Variants in NIBAN2 observed in about 807,000 individuals in gnomAD.
NIBAN2 encodes protein Niban 2.
Under a neutral mutation model 81.8 loss-of-function variants are expected in NIBAN2, and 36 were observed. The ratio of observed to expected loss-of-function variants is 0.44; its 90% CI spans 0.34 to 0.58. The LOEUF is 0.58. NIBAN2 is among the 20% of genes least tolerant of loss of function. The pLI is 0.02. For synonymous variants in NIBAN2, 445 were observed against 441.6 expected (o/e 1.01, Z -0.10); for missense variants, 897 against 1,014.1 (o/e 0.88, Z 1.57).
chr9:127,560,272 C>T (rs1415738867), intron 1 of NIBAN2, among the ~76,000 whole-genome samples: 1 of 152,200 alleles, frequency 6.6e-6, no homozygotes, highest in Non-Finnish European at 1.5e-5. Flanking sequence ...CAGCTCGCCC[C>T]AGCCCTGCAC....
In NIBAN2 at chr9:127,559,887, C is replaced by T. The variant is rs933125136; in HGVS notation, c.55+8933G>A. Among the ~76,000 whole-genome samples, 21 of 152,166 alleles carry T rather than the reference C, an allele frequency of 1.4e-4. No individual in the cohort carries two copies. Among genetic ancestry groups the T allele is most frequent in the African/African-American group, 4.6e-4 (19 of 41,444 alleles). On this transcript the variant is annotated intron_variant, in intron 1 of 13. Transcript: ENST00000373312. The surrounding 1 kb of genome is among the most constrained non-coding windows in gnomAD (Gnocchi z 4.0). ...CGGTAACAGTGGATGAACCAGGAGCCGATGCTCCCTAAGCACAAAGAGCTA... is the reference window on the plus strand; with the variant it reads ...CGGTAACAGTGGATGAACCAGGAGCTGATGCTCCCTAAGCACAAAGAGCTA...
intron 1 of NIBAN2, among the ~76,000 whole-genome samples, chr9:127,551,892 TCTC>T (rs1168879143): frequency 1.3e-5 from 2 of 152,144 alleles, no homozygotes; most frequent in African/African-American, 4.8e-5. Context: ...CCTGAAACTC[TCTC>T]CTCCTGTATC....
intron 1 of NIBAN2, among the ~76,000 whole-genome samples, chr9:127,552,359 G>A (rs1215861794): frequency 6.6e-6 from 1 of 152,174 alleles, no homozygotes; most frequent in Non-Finnish European, 1.5e-5. Context: ...GATCACTTAA[G>A]GCCAGGAGTT....
Position 127,509,105 on chromosome 9 carries a change from C to G in NIBAN2, c.1188G>C (p.Ala396=), listed in dbSNP as rs546349539. 1 of 1,612,384 alleles carries G rather than the reference C, an allele frequency of 6.2e-7. No individual in the cohort carries two copies. The highest frequency in any genetic ancestry group is 1.1e-5 in the South Asian group (1 of 91,040). ...GEYMEKLSRL[A]YHPLKMQSCY... is the part of the protein sequence containing the mutation. ...AGCTCTGCATCTTCAGGGGGTGGTACGCCAGCCGGGACAGCTTCTCCATGT... is the reference window on the plus strand; with the variant it reads ...AGCTCTGCATCTTCAGGGGGTGGTAGGCCAGCCGGGACAGCTTCTCCATGT... The change falls in exon 10 of 14, where the codon GCG becomes GCC. Residue 396 remains alanine (A), a synonymous_variant. Transcript: ENST00000373312.
chr9:127,515,895 T>A (rs1182678856), intron 8 of NIBAN2, among the ~76,000 whole-genome samples: 2 of 151,960 alleles, frequency 1.3e-5, no homozygotes, highest in African/African-American at 4.8e-5. Context: ...CCTAGCACTT[T>A]GGGAAGCCAA....
chr9:127,507,027 C>A lies in NIBAN2; in HGVS notation c.2059G>T (p.Ala687Ser). 1 of 1,585,310 alleles carries A rather than the reference C, an allele frequency of 6.3e-7. No homozygotes were observed. Residue 687 changes from alanine (A) to serine (S), a missense_variant, in exon 14 of 14, where the codon GCC (alanine) becomes TCC (serine). Transcript: ENST00000373312. The surrounding 1 kb of genome is among the most constrained non-coding windows in gnomAD (Gnocchi z 6.8). ...GCAGGCGGCGAGGAGGCCTCGGGGG[C>A]GGCCTTAGGCTGGGGACTCTCCCCA... is the stretch of plus-strand genomic sequence containing the variant. ...PAGESPQPKAAPEASSPPASP... is the reference protein window; with the variant it reads ...PAGESPQPKASPEASSPPASP...
chr9:127,562,416 T>C (rs1468072145), intron 1 of NIBAN2, among the ~76,000 whole-genome samples: 3 of 152,188 alleles, frequency 2.0e-5, no homozygotes, highest in Non-Finnish European at 4.4e-5. Flanking sequence ...AGTTAAACCG[T>C]TGCTAATGTT....
chr9:127,543,957 C>A (rs113424243), intron 1 of NIBAN2, among the ~76,000 whole-genome samples: 2 of 152,208 alleles, frequency 1.3e-5, no homozygotes, highest in Non-Finnish European at 2.9e-5. Context: ...CTCACTGGGA[C>A]GTACTGCCAA....
At chr9:127,575,153 T>C (rs574364119) in intron 1 of NIBAN2, among the ~76,000 whole-genome samples, 76 of 151,638 alleles carry the variant, frequency 5.0e-4, no homozygotes, top group Non-Finnish European at 8.4e-4. Context: ...CCCTCCCCAT[T>C]CTCTAGCCAC....
chr9:127,527,051 A>T, intron 3 of NIBAN2, 143 bp downstream of exon 3: 1 of 931,320 alleles, frequency 1.1e-6, no homozygotes. Context: ...GGGGGAGGGG[A>T]GGGGCTGAGG....
At chr9:127,541,149 G>A (rs1837371818) in intron 1 of NIBAN2, among the ~76,000 whole-genome samples, 1 of 152,208 alleles carries the variant, frequency 6.6e-6, no homozygotes, top group South Asian at 2.1e-4. Context: ...TCCATCATGT[G>A]CCTGAGACAG....
intron 5 of NIBAN2, among the ~76,000 whole-genome samples, chr9:127,519,458 GC>G (rs1836895369): frequency 6.6e-6 from 1 of 152,212 alleles, no homozygotes; most frequent in Non-Finnish European, 1.5e-5. Flanking sequence ...CATCCCCAAA[GC>G]CCAGGAAGGG....
chr9:127,555,177 G>A (rs1194354112), intron 1 of NIBAN2, among the ~76,000 whole-genome samples: 9 of 152,016 alleles, frequency 5.9e-5, no homozygotes, highest in Non-Finnish European at 1.3e-4. Context: ...CCCCCATGCT[G>A]TAATGTAACC....
rs1353089305 is a variant in NIBAN2 at position 127,535,427 on chromosome 9, G to A, written c.56-3649C>T. On this transcript the variant is annotated intron_variant, in intron 1 of 13. Coordinates refer to ENST00000373312, the MANE Select transcript of NIBAN2 (RefSeq NM_022833.4). ...AGAAGGCCCAGGCATGTCCCACCGA[G>A]GGACAGTTAAGGCCCAAGTTGGGCA... Among the ~76,000 whole-genome samples, 3 of 152,246 alleles carry A rather than the reference G, an allele frequency of 2.0e-5. No individual in the cohort carries two copies. In the South Asian group the frequency reaches 6.2e-4, roughly 31 times the overall value.
intron 1 of NIBAN2, among the ~76,000 whole-genome samples, chr9:127,549,113 T>G (rs1837526879): frequency 6.6e-6 from 1 of 152,150 alleles, no homozygotes; most frequent in African/African-American, 2.4e-5. Context: ...AATGCCAGCT[T>G]CTGTTCCAAT....
chr9:127,517,675 A>G lies in NIBAN2; in HGVS notation c.705+151T>C. 1 of 644,462 alleles carries G rather than the reference A, an allele frequency of 1.6e-6. No individual in the cohort carries two copies. The highest frequency in any genetic ancestry group is 1.8e-5 in the South Asian group (1 of 54,452). The allele number at this position is 644,462 out of a possible 1,614,324, so 39.9% of individuals were successfully genotyped here. Reference sequence around the variant, plus strand: ...TAAGACAGCGAGTATCTCCACGTGCACTGGCCCTGCACTTGTCCAAATCTA... The same window carrying G: ...TAAGACAGCGAGTATCTCCACGTGCGCTGGCCCTGCACTTGTCCAAATCTA... On this transcript the variant is annotated intron_variant, in intron 6 of 13. Coordinates refer to ENST00000373312, the MANE Select transcript of NIBAN2 (RefSeq NM_022833.4). This position sits in a 1 kb window ranked among gnomAD's most constrained non-coding sequence, Gnocchi z 4.0.
At chr9:127,555,382 G>C (rs1837648689) in intron 1 of NIBAN2, among the ~76,000 whole-genome samples, 1 of 152,198 alleles carries the variant, frequency 6.6e-6, no homozygotes, top group African/African-American at 2.4e-5. Flanking sequence ...TTTCTGTCTA[G>C]GGACACACAA....
At chr9:127,539,004 C>T (rs192584205) in intron 1 of NIBAN2, among the ~76,000 whole-genome samples, 8 of 150,898 alleles carry the variant, frequency 5.3e-5, no homozygotes, top group Non-Finnish European at 7.4e-5. Context: ...TCACTATATA[C>T]TTAAAATGGA....
At chr9:127,526,257 G>A (rs1837060669) in intron 3 of NIBAN2, among the ~76,000 whole-genome samples, 1 of 151,976 alleles carries the variant, frequency 6.6e-6, no homozygotes, top group Non-Finnish European at 1.5e-5. Context: ...AAAATTAGCT[G>A]GGAATGGTGG....
Sources: gnomAD v4.1 joint callset for allele counts (sites outside exome capture counted in the v4.1 genomes callset) on GRCh38, gnomAD v4.1.1 for gene constraint, Gnocchi (gnomAD v3.1) non-coding constraint, MANE v1.5 for transcripts, NCBI Gene and HGNC (gene_info 2026-07-23, HGNC 2026-07-21) for gene names.